CDKN2AIPNL: variants seen among roughly 807,000 people sequenced by gnomAD.
The protein encoded by CDKN2AIPNL is XRN2 binding domain containing 1, also known as CDKN2AIP N-terminal-like protein.
CDKN2AIPNL carries 9 observed loss-of-function variants against 12.9 expected under a neutral mutation model. The observed-to-expected ratio is 0.70, with a 90% CI of 0.42 to 1.22. The LOEUF is 1.22. CDKN2AIPNL is among the 50% of genes most tolerant of loss of function. The pLI is 0.00. For missense variants in CDKN2AIPNL, 143 were observed against 153.6 expected, an observed-to-expected ratio of 0.93 and a Z score of 0.37; for synonymous variants, 53 against 61.7, an observed-to-expected ratio of 0.86 and a Z score of 0.66.
chr5:134,406,756 G>A (rs1344670114), intron 2 of CDKN2AIPNL, among the ~76,000 whole-genome samples: 1 of 152,196 alleles, frequency 6.6e-6, no homozygotes, highest in African/African-American at 2.4e-5. Flanking sequence ...TGTAGTCCCA[G>A]CTACTGGGGA....
At chr5:134,403,451 T>C (rs542667910) in intron 2 of CDKN2AIPNL, among the ~76,000 whole-genome samples, 1 of 152,360 alleles carries the variant, frequency 6.6e-6, no homozygotes, top group Admixed American at 6.5e-5. Flanking sequence ...CTTTGGTAAA[T>C]TTAAACTTGG....
At chr5:134,409,852 G>T in intron 2 of CDKN2AIPNL, 51 bp downstream of exon 2, 4 of 1,158,538 alleles carry the variant, frequency 3.5e-6, no homozygotes, top group Non-Finnish European at 5.2e-6. Flanking sequence ...TCAAGGCAGG[G>T]ACTGTTAACT....
intron 2 of CDKN2AIPNL, among the ~76,000 whole-genome samples, chr5:134,407,803 T>A (rs1025968671): frequency 1.3e-5 from 2 of 148,866 alleles, no homozygotes; most frequent in Admixed American, 6.7e-5. Context: ...GAAAACCTCT[T>A]AGAAACAAAA....
chr5:134,402,688 A>G lies in CDKN2AIPNL; in HGVS notation c.*227T>C. 1 of 423,732 alleles carries G rather than the reference A, an allele frequency of 2.4e-6. No individual in the cohort carries two copies. The highest frequency in any genetic ancestry group is 4.2e-6 in the Non-Finnish European group (1 of 238,208). The allele number at this position is 423,732 out of a possible 1,614,324, so 26.2% of individuals were successfully genotyped here. ...TGTTGATGAACTCATCTTAGAGTGC[A>G]TGATTTATAAATACATAAATATCCA... On this transcript the variant is annotated 3_prime_UTR_variant, in exon 3 of 3. Transcript: ENST00000458198.
At chr5:134,408,221 C>T (rs1226953455) in intron 2 of CDKN2AIPNL, among the ~76,000 whole-genome samples, 2 of 152,120 alleles carry the variant, frequency 1.3e-5, no homozygotes, top group Non-Finnish European at 2.9e-5. Context: ...TAGCCAGAAA[C>T]TATCTAGCTC....
intron 2 of CDKN2AIPNL, among the ~76,000 whole-genome samples, chr5:134,403,500 T>C (rs1759058150): frequency 6.6e-6 from 1 of 152,250 alleles, no homozygotes; most frequent in Admixed American, 6.5e-5. Context: ...AAAAATCACT[T>C]TGGCTGTCAC....
At chr5:134,404,938 A>T (rs1221920714) in intron 2 of CDKN2AIPNL, among the ~76,000 whole-genome samples, 1 of 151,838 alleles carries the variant, frequency 6.6e-6, no homozygotes, top group Non-Finnish European at 1.5e-5. Context: ...GGCAGGTACT[A>T]CCACGCCCGG....
chr5:134,411,836 C>G lies in CDKN2AIPNL; in HGVS notation c.19G>C (p.Ala7Pro). 6.4e-7 allele frequency: 1 copy of G among 1,571,242 alleles called. No individual in the cohort carries two copies. Among genetic ancestry groups the G allele is most frequent in the Non-Finnish European group, 8.6e-7 (1 of 1,159,258 alleles). Residue 7 changes from alanine to proline, a missense_variant, in exon 1 of 3, where the codon GCT becomes CCT. Physicochemically the swap from Ala to Pro is conservative, Grantham distance 27. Around this residue, in one of 3 missense-constraint regions of CDKN2AIPNL, gnomAD observed 30 missense variants for 25.2 expected, o/e 1.19. Coordinates refer to ENST00000458198, the MANE Select transcript of CDKN2AIPNL (RefSeq NM_080656.3). MVGGEA[A>P]AAVEELVSGV... is the part of the protein sequence containing the mutation. ...GAAACCAGCTCCTCCACTGCGGCAG[C>G]CGCCTCGCCACCGACCATGGTGCCC...
At chr5:134,403,343 T>C (rs749250499) in intron 2 of CDKN2AIPNL, among the ~76,000 whole-genome samples, 37 of 152,374 alleles carry the variant, frequency 2.4e-4, no homozygotes, top group Non-Finnish European at 5.1e-4. Flanking sequence ...GTGAAGGTTA[T>C]ATATTTCTGG....
chr5:134,402,519 CAAAA>C lies in CDKN2AIPNL; in HGVS notation c.*392_*395del, dbSNP rs1468812252. ...TGTCTCAAAAAAACAAAACAAAAAA[CAAAA>C]AACCCTGAAAATATGAGCCCAGGAG... On this transcript the variant is annotated 3_prime_UTR_variant, in exon 3 of 3. Coordinates refer to ENST00000458198, the MANE Select transcript of CDKN2AIPNL (RefSeq NM_080656.3). 5.9e-6 allele frequency: 1 copy of C among 168,360 alleles called. No individual in the cohort carries two copies. Among genetic ancestry groups the C allele is most frequent in the Non-Finnish European group, 1.3e-5 (1 of 79,386 alleles). The allele number at this position is 168,360 out of a possible 1,614,324, so 10.4% of individuals were successfully genotyped here.
chr5:134,411,682 C>A lies in CDKN2AIPNL; in HGVS notation c.173G>T (p.Ser58Ile). 1 of 1,613,222 alleles carries A rather than the reference C, an allele frequency of 6.2e-7. No homozygotes were observed. The highest frequency in any genetic ancestry group is 8.5e-7 in the Non-Finnish European group (1 of 1,179,848). ...LPDYRDPPDG[S>I]GRLDQLLSLS... ...GGAGAGCAGCTGGTCCAGGCGGCCA[C>A]TGCCGTCGGGCGGGTCGCGGTAGTC... The change falls in exon 1 of 3, where the codon AGT (serine) becomes ATT (isoleucine). Residue 58 changes from serine (S) to isoleucine (I), a missense_variant. Physicochemically the swap from Ser to Ile is moderately radical, Grantham distance 142. Coordinates refer to ENST00000458198, the MANE Select transcript of CDKN2AIPNL (RefSeq NM_080656.3).
At chr5:134,404,701 G>A (rs901620785) in intron 2 of CDKN2AIPNL, among the ~76,000 whole-genome samples, 13 of 151,894 alleles carry the variant, frequency 8.6e-5, no homozygotes, top group African/African-American at 2.9e-4. Flanking sequence ...CCAAGGGAGC[G>A]GCAGCTCTAG....
chr5:134,404,006 C>G (rs1759066631), intron 2 of CDKN2AIPNL, among the ~76,000 whole-genome samples: 1 of 152,154 alleles, frequency 6.6e-6, no homozygotes, highest in Admixed American at 6.5e-5. Context: ...TAGGAGAATG[C>G]GGTATTACCT....
intron 2 of CDKN2AIPNL, among the ~76,000 whole-genome samples, chr5:134,409,067 T>TA (rs1288255248): frequency 2.6e-5 from 4 of 152,228 alleles, no homozygotes. Context: ...AGCAGCTTTT[T>TA]ACTCTACTGC....
Position 134,411,872 on chromosome 5 carries a change from A to C in CDKN2AIPNL, c.-18T>G. 5.2e-6 allele frequency: 8 copies of C among 1,548,868 alleles called. No homozygotes were observed. Among genetic ancestry groups the C allele is most frequent in the Non-Finnish European group, 7.0e-6 (8 of 1,146,422 alleles). ...CCGACCATGGTGCCCGCCGCAGCCGAGGACCGGATAGCCCGCCGCCTTCCC... is the reference window on the plus strand; with the variant it reads ...CCGACCATGGTGCCCGCCGCAGCCGCGGACCGGATAGCCCGCCGCCTTCCC... On this transcript the variant is annotated 5_prime_UTR_variant, in exon 1 of 3. Transcript: ENST00000458198.
chr5:134,404,587 C>G (rs752775553), intron 2 of CDKN2AIPNL, among the ~76,000 whole-genome samples: 29 of 151,644 alleles, frequency 1.9e-4, no homozygotes, highest in Non-Finnish European at 4.0e-4. Flanking sequence ...CTCGGCTTCC[C>G]AAAGTGCTGG....
chr5:134,406,855 G>C (rs1759112296), intron 2 of CDKN2AIPNL, among the ~76,000 whole-genome samples: 1 of 152,216 alleles, frequency 6.6e-6, no homozygotes, highest in African/African-American at 2.4e-5. Flanking sequence ...GAGCCACAGA[G>C]AGAGACCCCT....
At chr5:134,410,044 T>C in intron 1 of CDKN2AIPNL, 42 bp from the exon 2 acceptor site, 1 of 1,373,020 alleles carries the variant, frequency 7.3e-7, no homozygotes, top group Non-Finnish European at 1.0e-6. Context: ...TTGGAACAAT[T>C]GTCACTGTGG....
chr5:134,411,237 T>G (rs1247046200), intron 1 of CDKN2AIPNL, among the ~76,000 whole-genome samples: 1 of 152,218 alleles, frequency 6.6e-6, no homozygotes, highest in Non-Finnish European at 1.5e-5. Context: ...CGTTTCTCTC[T>G]CTGCACGTTT....
Sources: allele counts gnomAD v4.1 joint callset (sites outside exome capture counted in the v4.1 genomes callset), GRCh38; gene constraint gnomAD v4.1.1; regional missense constraint gnomAD v4.1.1; transcripts MANE v1.5; gene names NCBI Gene and HGNC (gene_info 2026-07-23, HGNC 2026-07-21).